The following ATP2B2 variants were observed in gnomAD, a reference collection of about 807,000 sequenced individuals.
ATP2B2 encodes ATPase plasma membrane Ca2+ transporting 2, also known as plasma membrane calcium-transporting ATPase 2.
ATP2B2 carries 15 observed loss-of-function variants against 120.0 expected under a neutral mutation model. The ratio of observed to expected loss-of-function variants is 0.12; its 90% CI spans 0.08 to 0.19. ATP2B2 has a LOEUF of 0.19. ATP2B2 is among the 10% of genes least tolerant of loss of function. ATP2B2 has a pLI of 1.00. For synonymous variants in ATP2B2, 694 were observed against 700.3 expected (o/e 0.99, Z 0.14); for missense variants, 1,045 against 1,719.8 (o/e 0.61, Z 6.94).
chr3:10,682,053 G>A (rs73037830), intron 1 of ATP2B2, among the ~76,000 whole-genome samples: 5,620 of 152,266 alleles, frequency 0.037, 115 homozygotes, highest in South Asian at 0.071. Flanking sequence ...GGGATGAGTA[G>A]GAGTTCACCA....
At chr3:10,404,221 G>A (rs937833164) in intron 3 of ATP2B2, among the ~76,000 whole-genome samples, 4 of 152,128 alleles carry the variant, frequency 2.6e-5, no homozygotes, top group African/African-American at 9.7e-5. Flanking sequence ...TGAACCAGCC[G>A]TTCCCTTCGG....
intron 1 of ATP2B2, among the ~76,000 whole-genome samples, chr3:10,466,563 A>G (rs924556087): frequency 1.3e-4 from 20 of 152,010 alleles, no homozygotes; most frequent in African/African-American, 4.8e-4. Flanking sequence ...AAAAGGGGGC[A>G]CCCATGAAGA....
At chr3:10,615,985 A>G (rs1337330128) in intron 2 of ATP2B2, among the ~76,000 whole-genome samples, 1 of 152,172 alleles carries the variant, frequency 6.6e-6, no homozygotes, top group Non-Finnish European at 1.5e-5. Flanking sequence ...TGCACCACCT[A>G]CTTAGGTGTC....
chr3:10,410,835 A>G lies in ATP2B2; in HGVS notation c.200-20T>C. The G allele has an allele frequency of 6.2e-7, 1 of 1,611,990 alleles. No homozygotes were observed. Among genetic ancestry groups the G allele is most frequent in the Non-Finnish European group, 8.5e-7 (1 of 1,179,886 alleles). Reference sequence around the variant, plus strand: ...GCAAACCTGTGGACAGAGAACAGAGAGGTTGGCTGGGGGCCTGGGAGAGAT... The same window carrying G: ...GCAAACCTGTGGACAGAGAACAGAGGGGTTGGCTGGGGGCCTGGGAGAGAT... On this transcript the variant is annotated intron_variant, in intron 2 of 22. Coordinates refer to ENST00000360273, the MANE Select transcript of ATP2B2 (RefSeq NM_001001331.4).
At chr3:10,686,212 C>G (rs749803719) in intron 1 of ATP2B2, among the ~76,000 whole-genome samples, 2 of 152,036 alleles carry the variant, frequency 1.3e-5, no homozygotes, top group Admixed American at 6.6e-5. Context: ...CACACTGTTC[C>G]CCACAGAAAA....
chr3:10,673,134 T>A (rs150656059), intron 1 of ATP2B2, among the ~76,000 whole-genome samples: 1 of 152,308 alleles, frequency 6.6e-6, no homozygotes, highest in African/African-American at 2.4e-5. Context: ...TATGAGAGTA[T>A]CTGGAACCCA....
At chr3:10,604,525 T>C (rs1209444359) in intron 2 of ATP2B2, among the ~76,000 whole-genome samples, 1 of 152,234 alleles carries the variant, frequency 6.6e-6, no homozygotes, top group African/African-American at 2.4e-5. Flanking sequence ...GAGTCTGGAA[T>C]CCATAGCTTC....
In ATP2B2 at chr3:10,371,965, T is replaced by C; in HGVS notation, c.1503A>G (p.Thr501=). The C allele has an allele frequency of 6.2e-7, 1 of 1,614,222 alleles. No individual in the cohort carries two copies. Among genetic ancestry groups the C allele is most frequent in the Non-Finnish European group, 8.5e-7 (1 of 1,180,046 alleles). Residue 501 remains threonine, a synonymous_variant, in exon 12 of 23, where the codon ACA becomes ACG. Transcript: ENST00000360273. ...TCATGCGATTGGTGGTCAGCGTGCC[T>C]GTCTTGTCTGAGCAGATGGCTGTGG... The part of the protein sequence containing the change: ...GNATAICSDK[T]GTLTTNRMTV...
chr3:10,501,592 C>T (rs1252479634), intron 1 of ATP2B2, among the ~76,000 whole-genome samples: 1 of 152,054 alleles, frequency 6.6e-6, no homozygotes, highest in Non-Finnish European at 1.5e-5. Context: ...GAGCATGGCT[C>T]CCAGCTGTCT....
chr3:10,469,692 A>T (rs1246914444), intron 1 of ATP2B2, among the ~76,000 whole-genome samples: 2 of 152,204 alleles, frequency 1.3e-5, no homozygotes, highest in East Asian at 3.8e-4. Flanking sequence ...CACGTGCTCC[A>T]TCTACAAAAA....
intron 1 of ATP2B2, among the ~76,000 whole-genome samples, chr3:10,684,751 T>C (rs1367572004): frequency 6.6e-6 from 1 of 152,212 alleles, no homozygotes; most frequent in African/African-American, 2.4e-5. Context: ...ATGATGACCA[T>C]GGCAATGGCC....
intron 2 of ATP2B2, among the ~76,000 whole-genome samples, chr3:10,616,869 TTCTC>T (rs1263731043): frequency 6.6e-6 from 1 of 152,166 alleles, no homozygotes; most frequent in Non-Finnish European, 1.5e-5. Context: ...TATCTTCTCT[TTCTC>T]TCTCTCCCCA....
chr3:10,621,325 G>A (rs1418801234), intron 1 of ATP2B2, among the ~76,000 whole-genome samples: 1 of 152,188 alleles, frequency 6.6e-6, no homozygotes, highest in Admixed American at 6.5e-5. Flanking sequence ...CCACAGCCAC[G>A]AGGCCAACAC....
intron 1 of ATP2B2, among the ~76,000 whole-genome samples, chr3:10,688,597 C>A (rs1173994980): frequency 6.6e-6 from 1 of 152,184 alleles, no homozygotes; most frequent in African/African-American, 2.4e-5. Context: ...AAGAAAGCCA[C>A]CGGAGAAAGA....
intron 1 of ATP2B2, among the ~76,000 whole-genome samples, chr3:10,624,733 CATGAATGAATGA>C (rs2069647239): frequency 1.3e-5 from 2 of 152,162 alleles, no homozygotes; most frequent in Non-Finnish European, 2.9e-5. Context: ...TGAATGAATG[CATGAATGAATGA>C]GTTGTAAGAC....
At chr3:10,493,117 T>C (rs566404581) in intron 1 of ATP2B2, among the ~76,000 whole-genome samples, 36 of 152,298 alleles carry the variant, frequency 2.4e-4, no homozygotes, top group African/African-American at 8.4e-4. Flanking sequence ...GAGACAGATA[T>C]GCTTCCTGCC....
Position 10,328,574 on chromosome 3 carries a change from C to T in ATP2B2, c.*240G>A. On this transcript the variant is annotated 3_prime_UTR_variant, in exon 23 of 23. Transcript: ENST00000360273. ...AAGGGCTTGTTTTGGGAAAACCGCT[C>T]ACTCCCGTAAGCCCCCAGTGGAGAT... 1 of 538,066 alleles carries T rather than the reference C, an allele frequency of 1.9e-6. No individual in the cohort carries two copies. Among genetic ancestry groups the T allele is most frequent in the Non-Finnish European group, 3.3e-6 (1 of 307,280 alleles). 33.3% of individuals were successfully genotyped at this position (538,066 alleles called of 1,614,324 possible).
intron 2 of ATP2B2, among the ~76,000 whole-genome samples, chr3:10,547,529 T>C (rs545718932): frequency 6.6e-6 from 1 of 152,196 alleles, no homozygotes; most frequent in Non-Finnish European, 1.5e-5. Context: ...TCCCGCTCCA[T>C]AAGACACAGT....
intron 1 of ATP2B2, among the ~76,000 whole-genome samples, chr3:10,620,743 C>T (rs1252306747): frequency 1.3e-5 from 2 of 152,268 alleles, no homozygotes; most frequent in East Asian, 1.9e-4. Context: ...ACTTCTCTCC[C>T]GGTCACTCTA....
Sources: allele counts gnomAD v4.1 joint callset (sites outside exome capture counted in the v4.1 genomes callset), GRCh38; gene constraint gnomAD v4.1.1; transcripts MANE v1.5; gene names NCBI Gene and HGNC (gene_info 2026-07-23, HGNC 2026-07-21).